Variants in NGEF observed in about 807,000 individuals in gnomAD.
NGEF encodes the protein neuronal guanine nucleotide exchange factor, also known as ephexin-1.
A neutral mutation model predicts 80.9 loss-of-function variants in NGEF; 31 were observed. That is an observed-to-expected ratio of 0.38 (90% CI 0.29 to 0.52). The LOEUF is 0.52. Ranked by LOEUF, NGEF falls within the 20% of genes least tolerant of loss-of-function variation. NGEF has a pLI of 0.84. For synonymous variants in NGEF, 371 were observed against 370.2 expected (o/e 1.00, Z -0.03); for missense variants, 709 against 926.2 (o/e 0.77, Z 3.04).
intron 3 of NGEF, among the ~76,000 whole-genome samples, chr2:232,943,787 G>A (rs950514613): frequency 2.6e-5 from 4 of 151,438 alleles, no homozygotes; most frequent in Non-Finnish European, 5.9e-5. Flanking sequence ...GAGCCACTGT[G>A]CCCGGCCCGG....
chr2:232,989,745 G>A (rs1268375824), intron 1 of NGEF, among the ~76,000 whole-genome samples: 1 of 152,164 alleles, frequency 6.6e-6, no homozygotes, highest in African/African-American at 2.4e-5. Flanking sequence ...AATTAGGTAT[G>A]GAATAAGGAT....
rs909988533 is a variant in NGEF at position 232,899,915 on chromosome 2, C to G, written c.829-4999G>C. Among the ~76,000 whole-genome samples the G allele has an allele frequency of 1.4e-5, 2 of 147,060 alleles. 1 individual carries two copies. Among genetic ancestry groups the G allele is most frequent in the Non-Finnish European group, 3.0e-5 (2 of 67,072 alleles). On this transcript the variant is annotated intron_variant, in intron 5 of 14. Transcript: ENST00000264051. ...ATTCACACACATGCTCTCACAGTCA[C>G]TCATATACACGTTCACTCACATTCA...
At chr2:232,998,152 G>A (rs536365221) in intron 1 of NGEF, among the ~76,000 whole-genome samples, 13 of 152,168 alleles carry the variant, frequency 8.5e-5, no homozygotes, top group African/African-American at 1.7e-4. Flanking sequence ...AGAGGAAACC[G>A]CAGTGGGAGT....
chr2:232,907,179 G>GAAAAAAAAAAAAAAAAAAAAA (rs1455116424), intron 5 of NGEF, among the ~76,000 whole-genome samples: 1 of 25,498 alleles, frequency 3.9e-5, no homozygotes, highest in Non-Finnish European at 8.2e-5. Context: ...AAAAAGAAAA[G>GAAAAAAAAAAAAAAAAAAAAA]AAAAAAAAGA....
rs577773966 is a variant in NGEF, at chr2:232,889,856, T to C, written c.1272+1502A>G. Among the ~76,000 whole-genome samples, 182 of 152,316 alleles carry C rather than the reference T, an allele frequency of 1.2e-3. 1 individual carries two copies. Among genetic ancestry groups the C allele is most frequent in the African/African-American group, 4.1e-3 (171 of 41,560 alleles). On this transcript the variant is annotated intron_variant, in intron 8 of 14. Transcript: ENST00000264051. ...TCTGGAGTAGCTGCCCCTAGGTCTT[T>C]GGCCTCTCACCTGTCTGACCTCTGA... is the stretch of plus-strand genomic sequence containing the variant.
chr2:232,915,665 C>T (rs1692785924), intron 5 of NGEF, among the ~76,000 whole-genome samples: 2 of 152,048 alleles, frequency 1.3e-5, no homozygotes, highest in Admixed American at 6.6e-5. Context: ...GCAACGTCTC[C>T]TCTTGTTTCT....
intron 3 of NGEF, among the ~76,000 whole-genome samples, chr2:232,942,376 G>A (rs912480084): frequency 1.3e-5 from 2 of 152,192 alleles, no homozygotes. Context: ...GGCTTTCTAC[G>A]TACTTGCTGA....
At chr2:232,889,894 GTGGCTCCC>G in intron 8 of NGEF, among the ~76,000 whole-genome samples, 1 of 152,116 alleles carries the variant, frequency 6.6e-6, no homozygotes, top group East Asian at 1.9e-4. Flanking sequence ...TCTGCTACCT[GTGGCTCCC>G]AGGTCCCCCT....
chr2:232,891,049 C>T (rs1691866922), intron 8 of NGEF: 2 of 513,714 alleles, frequency 3.9e-6, no homozygotes, highest in Non-Finnish European at 7.8e-6. Context: ...CGTCACGTGT[C>T]TTTCCTGACC....
rs146155287 is a variant in NGEF at position 232,889,694 on chromosome 2, G to A, written c.1273-1587C>T. 4.5e-3 allele frequency among the ~76,000 whole-genome samples: 682 copies of A among 152,250 alleles called. 2 individuals carry two copies. The highest frequency in any genetic ancestry group is 0.015 in the African/African-American group (640 of 41,544). On this transcript the variant is annotated intron_variant, in intron 8 of 14. Coordinates refer to ENST00000264051, the MANE Select transcript of NGEF (RefSeq NM_019850.3). ...CACAGGTGTCTTCCGGTTTGGGGTCGCCATCCCGGCTTTGCCCTCACGTTC... is the reference window on the plus strand; with the variant it reads ...CACAGGTGTCTTCCGGTTTGGGGTCACCATCCCGGCTTTGCCCTCACGTTC...
intron 3 of NGEF, among the ~76,000 whole-genome samples, chr2:232,928,883 C>T (rs1380089320): frequency 6.6e-6 from 1 of 152,170 alleles, no homozygotes; most frequent in African/African-American, 2.4e-5. Flanking sequence ...TCAGTCCGCT[C>T]GCGGATCAGA....
Position 232,942,755 on chromosome 2 carries a change from C to T in NGEF, c.384-15569G>A, listed in dbSNP as rs1310497614. ...CGCGTGGAGGCGCACGCCTGTCATC[C>T]CAGCTACTTGGGAGGCTGAGGCAGG... On this transcript the variant is annotated intron_variant, in intron 3 of 14. Transcript: ENST00000264051. 2.0e-5 allele frequency among the ~76,000 whole-genome samples: 3 copies of T among 149,602 alleles called. No homozygotes were observed. In the East Asian group the frequency reaches 5.9e-4, roughly 29 times the overall value.
intron 3 of NGEF, chr2:232,928,234 G>T: frequency 8.5e-6 from 8 of 942,814 alleles, no homozygotes; most frequent in Non-Finnish European, 1.0e-5. Context: ...CGGCGGGGGC[G>T]AGGCCGGGCG....
chr2:232,933,221 C>T (rs1405978197), intron 3 of NGEF, among the ~76,000 whole-genome samples: 1 of 152,128 alleles, frequency 6.6e-6, no homozygotes, highest in Admixed American at 6.5e-5. Flanking sequence ...CTTCCAATAT[C>T]ATCACTTTGT....
chr2:232,941,128 A>T (rs1693429311), intron 3 of NGEF, among the ~76,000 whole-genome samples: 1 of 152,182 alleles, frequency 6.6e-6, no homozygotes, highest in African/African-American at 2.4e-5. Flanking sequence ...AGATGAAATC[A>T]TAGGAAGTCG....
At chr2:232,918,818 T>C in intron 5 of NGEF, among the ~76,000 whole-genome samples, 1 of 151,404 alleles carries the variant, frequency 6.6e-6, no homozygotes, top group Non-Finnish European at 1.5e-5. Flanking sequence ...TAGTAGAGAC[T>C]GGGTTTCACC....
chr2:233,009,047 T>G (rs1251947549), intron 1 of NGEF, among the ~76,000 whole-genome samples: 1 of 152,182 alleles, frequency 6.6e-6, no homozygotes, highest in Non-Finnish European at 1.5e-5. Flanking sequence ...TCTGCCCACC[T>G]TGGCCTCCAA....
At chr2:232,912,648 C>T (rs1433219146) in intron 5 of NGEF, among the ~76,000 whole-genome samples, 2 of 152,114 alleles carry the variant, frequency 1.3e-5, no homozygotes, top group African/African-American at 4.8e-5. Context: ...CTACAGATGG[C>T]ATATTTTGAA....
intron 1 of NGEF, among the ~76,000 whole-genome samples, chr2:232,988,197 G>A (rs982383525): frequency 2.0e-5 from 3 of 152,146 alleles, no homozygotes; most frequent in Non-Finnish European, 4.4e-5. Context: ...TGGGGGAGGA[G>A]GGGAGGTGGG....
Sources: allele counts gnomAD v4.1 joint callset (sites outside exome capture counted in the v4.1 genomes callset), GRCh38; gene constraint gnomAD v4.1.1; transcripts MANE v1.5; gene names NCBI Gene and HGNC (gene_info 2026-07-23, HGNC 2026-07-21).